The following AP1S3 variants were observed in gnomAD, a reference collection of about 807,000 sequenced individuals.
AP1S3 encodes AP-1 complex subunit sigma-3.
In AP1S3, 10 loss-of-function variants were observed where a neutral mutation model predicts 20.9. The observed-to-expected ratio is 0.48, with a 90% confidence interval of 0.29 to 0.81. The LOEUF (loss-of-function observed/expected upper bound fraction) is 0.81. Ranked by LOEUF, AP1S3 falls within the 30% of genes least tolerant of loss-of-function variation. The probability of loss-of-function intolerance (pLI) is 0.08; values close to 1 mark genes in which losing one functional copy is unlikely to be tolerated. For synonymous variants in AP1S3, 41 were observed against 61.5 expected (o/e 0.67, Z 1.56); for missense variants, 154 against 183.8 (o/e 0.84, Z 0.94).
intron 1 of AP1S3, among the ~76,000 whole-genome samples, chr2:223,803,405 T>C (rs1691510937): frequency 6.6e-6 from 1 of 152,226 alleles, no homozygotes; most frequent in Admixed American, 6.5e-5. Flanking sequence ...CAAAATTCCA[T>C]ATGTAATTGC....
chr2:223,811,822 C>G (rs1691737084), intron 1 of AP1S3, among the ~76,000 whole-genome samples: 1 of 152,134 alleles, frequency 6.6e-6, no homozygotes, highest in South Asian at 2.1e-4. Flanking sequence ...CCTGCTTATT[C>G]TCTGCCTGTT....
intron 1 of AP1S3, among the ~76,000 whole-genome samples, chr2:223,807,663 T>C (rs1691616869): frequency 6.6e-6 from 1 of 151,982 alleles, no homozygotes; most frequent in South Asian, 2.1e-4. Context: ...GAGATCTGGT[T>C]GTTTTAAAAG....
In AP1S3 at chr2:223,813,092, C is replaced by T. The variant is rs1383519831; in HGVS notation, c.3+24356G>A. Among the ~76,000 whole-genome samples, 3 of 151,996 alleles carry T rather than the reference C, an allele frequency of 2.0e-5. No homozygotes were observed. The East Asian group carries it at 5.8e-4, about 29-fold the overall frequency. ...TATAGCCGTGTGCCACCACGCCCAG[C>T]TTTTGTATTTTACAATAAAAATTTT... On this transcript the variant is annotated intron_variant, in intron 1 of 4. Coordinates refer to ENST00000396654, the MANE Select transcript of AP1S3 (RefSeq NM_001039569.2).
At chr2:223,800,213 TAAAAAAAAAAAAAA>T (rs59645201) in intron 1 of AP1S3, among the ~76,000 whole-genome samples, 1 of 132,816 alleles carries the variant, frequency 7.5e-6, no homozygotes, top group Non-Finnish European at 1.6e-5. Flanking sequence ...AGATTGCGTC[TAAAAAAAAAAAAAA>T]AAGAAAAAAA....
chr2:223,783,091 G>A (rs1044108847), intron 1 of AP1S3, among the ~76,000 whole-genome samples: 2 of 152,220 alleles, frequency 1.3e-5, no homozygotes, highest in African/African-American at 4.8e-5. Flanking sequence ...CAACTTAAAT[G>A]CAAGTTGATG....
chr2:223,834,472 C>T lies in AP1S3; in HGVS notation c.3+2976G>A, dbSNP rs377661411. On this transcript the variant is annotated intron_variant, in intron 1 of 4. Transcript: ENST00000396654. ...GGGCATGATGGCACACACCTGTGGT[C>T]CCAGCTACATGGAAGGCTGAGGTAG... Among the ~76,000 whole-genome samples the T allele has an allele frequency of 2.0e-4, 31 of 152,172 alleles. 1 individual carries two copies. In the South Asian group the frequency reaches 6.2e-3, roughly 31 times the overall value.
At chr2:223,764,206 A>G (rs1286971314) in intron 4 of AP1S3, among the ~76,000 whole-genome samples, 1 of 152,046 alleles carries the variant, frequency 6.6e-6, no homozygotes, top group African/African-American at 2.4e-5. Context: ...GGAGTGAGCC[A>G]CCGCATCCGG....
intron 1 of AP1S3, among the ~76,000 whole-genome samples, chr2:223,810,100 T>C (rs1192519841): frequency 6.6e-6 from 1 of 152,142 alleles, no homozygotes; most frequent in Non-Finnish European, 1.5e-5. Flanking sequence ...TGTTTGTCCC[T>C]CACAGTTATG....
chr2:223,772,562 T>G (rs539863909), intron 3 of AP1S3, among the ~76,000 whole-genome samples: 2 of 152,344 alleles, frequency 1.3e-5, no homozygotes, highest in East Asian at 3.9e-4. Context: ...GCATTTCCTC[T>G]GAGCCTCTAT....
chr2:223,788,329 T>G (rs888144628), intron 1 of AP1S3, among the ~76,000 whole-genome samples: 1 of 150,844 alleles, frequency 6.6e-6, no homozygotes, highest in African/African-American at 2.4e-5. Context: ...GAAGAGATAT[T>G]TGGCCGGGCG....
chr2:223,770,166 A>G (rs1690581497), intron 3 of AP1S3: 2 of 1,547,512 alleles, frequency 1.3e-6, no homozygotes, highest in African/African-American at 1.4e-5. Context: ...ATCCATGTAC[A>G]TGAAAGAAGG....
chr2:223,774,317 A>G (rs1166746623), intron 3 of AP1S3, among the ~76,000 whole-genome samples: 1 of 152,128 alleles, frequency 6.6e-6, no homozygotes, highest in East Asian at 1.9e-4. Flanking sequence ...GTGAGCAGAG[A>G]TCGTGCCATT....
intron 1 of AP1S3, among the ~76,000 whole-genome samples, chr2:223,831,202 C>T (rs1402225503): frequency 6.6e-6 from 1 of 152,070 alleles, no homozygotes; most frequent in Non-Finnish European, 1.5e-5. Context: ...ACAATCATGG[C>T]TCACTGCAGC....
intron 1 of AP1S3, among the ~76,000 whole-genome samples, chr2:223,782,968 C>T (rs1462121436): frequency 6.6e-6 from 1 of 151,954 alleles, no homozygotes; most frequent in Non-Finnish European, 1.5e-5. Context: ...ATTCAGGGCA[C>T]ATTTGAATAA....
At chr2:223,827,641 C>T (rs1357886304) in intron 1 of AP1S3, among the ~76,000 whole-genome samples, 1 of 151,992 alleles carries the variant, frequency 6.6e-6, no homozygotes, top group African/African-American at 2.4e-5. Flanking sequence ...CCACCTCACC[C>T]TCCCAAAGTG....
intron 3 of AP1S3, 81 bp downstream of exon 3, chr2:223,775,820 G>A: frequency 1.0e-6 from 1 of 998,912 alleles, no homozygotes; most frequent in East Asian, 2.6e-5. Context: ...ACAGAGAGAA[G>A]GGATGTGACC....
At chr2:223,783,554 T>G (rs915377721) in intron 1 of AP1S3, among the ~76,000 whole-genome samples, 3 of 152,214 alleles carry the variant, frequency 2.0e-5, no homozygotes, top group African/African-American at 7.2e-5. Flanking sequence ...CTGTTAGTCC[T>G]CCGAGGGAAG....
rs1690252510 is a variant in AP1S3 at position 223,757,629 on chromosome 2, C to A, written c.*1086G>T. On this transcript the variant is annotated 3_prime_UTR_variant, in exon 5 of 5. Transcript: ENST00000396654. ...GTAATATGTCTGATCACTGTTAGGA[C>A]CTGGTTATACAGAATTTTCATTCCA... 1 of 985,184 alleles carries A rather than the reference C, an allele frequency of 1.0e-6. No individual in the cohort carries two copies. Among genetic ancestry groups the A allele is most frequent in the African/African-American group, 1.7e-5 (1 of 57,200 alleles). The allele number at this position is 985,184 out of a possible 1,614,324, so 61.0% of individuals were successfully genotyped here. A position where few individuals can be genotyped will look rare whatever the true frequency, so the allele number is the denominator to read the frequency against.
At chr2:223,799,380 G>T (rs1691417137) in intron 1 of AP1S3, among the ~76,000 whole-genome samples, 1 of 152,164 alleles carries the variant, frequency 6.6e-6, no homozygotes, top group Non-Finnish European at 1.5e-5. Context: ...AGAGTTCCTA[G>T]AAGAAACCAT....
Sources: allele counts gnomAD v4.1 joint callset (sites outside exome capture counted in the v4.1 genomes callset), GRCh38; gene constraint gnomAD v4.1.1; transcripts MANE v1.5; gene names NCBI Gene and HGNC (gene_info 2026-07-23, HGNC 2026-07-21).